Variants in CLSTN2 observed in about 807,000 individuals in gnomAD.
The protein encoded by CLSTN2 is calsyntenin 2.
Under a neutral mutation model 101.2 loss-of-function variants are expected in CLSTN2, and 48 were observed. The ratio of observed to expected loss-of-function variants is 0.47; its 90% CI spans 0.38 to 0.60. The LOEUF is 0.60. Among genes scored for constraint, CLSTN2 ranks in the 20% least tolerant of loss-of-function variants. The pLI is 0.00. For missense variants in CLSTN2, 1,160 were observed against 1,238.2 expected, an observed-to-expected ratio of 0.94 and a Z score of 0.95; for synonymous variants, 481 against 463.6, an observed-to-expected ratio of 1.04 and a Z score of -0.48.
intron 1 of CLSTN2, among the ~76,000 whole-genome samples, chr3:140,160,144 C>A (rs112647958): frequency 0.011 from 1,672 of 151,900 alleles, 34 homozygotes; most frequent in African/African-American, 0.038. Flanking sequence ...TGCACATATA[C>A]CCCGTGTATC....
intron 1 of CLSTN2, among the ~76,000 whole-genome samples, chr3:140,153,692 A>G (rs2009905216): frequency 6.6e-6 from 1 of 152,210 alleles, no homozygotes; most frequent in Non-Finnish European, 1.5e-5. Context: ...GGACTTCTCA[A>G]ATTCTCTTTG....
chr3:140,459,379 T>C (rs1933498340), intron 6 of CLSTN2, 142 bp from the exon 7 acceptor site: 2 of 937,480 alleles, frequency 2.1e-6, no homozygotes, highest in East Asian at 2.5e-5. Flanking sequence ...TTAGCACTTC[T>C]TTTCCTAAGT....
Position 140,338,986 on chromosome 3 carries a change from G to T in CLSTN2, c.233-64643G>T, listed in dbSNP as rs548955574. Among the ~76,000 whole-genome samples the T allele has an allele frequency of 6.6e-5, 10 of 152,212 alleles. No homozygotes were observed. The South Asian group carries it at 8.3e-4, about 13-fold the overall frequency. ...CGCCGCCTGACACAGACCCACATAG[G>T]CTGCTCCACTAGGAGGGAGTAGGAA... On this transcript the variant is annotated intron_variant, in intron 2 of 16. Transcript: ENST00000458420.
intron 2 of CLSTN2, among the ~76,000 whole-genome samples, chr3:140,185,485 T>A (rs1313583066): frequency 4.6e-5 from 7 of 152,166 alleles, no homozygotes. Context: ...AAACACATTA[T>A]GGTATTTTCT....
Position 140,575,822 on chromosome 3 carries a change from G to A in CLSTN2, c.*9569G>A, listed in dbSNP as rs1177182449. 5 of 151,966 alleles carry A rather than the reference G, an allele frequency of 3.3e-5. No individual in the cohort carries two copies. Among genetic ancestry groups the A allele is most frequent in the Non-Finnish European group, 5.9e-5 (4 of 68,012 alleles). 9.4% of individuals were successfully genotyped at this position (151,966 alleles called of 1,614,324 possible). ...TATATGTGTGTGTGTGTATATGTGT[G>A]CATATATGTGTACATATACACATAC... On this transcript the variant is annotated 3_prime_UTR_variant, in exon 17 of 17. Coordinates refer to ENST00000458420, the MANE Select transcript of CLSTN2 (RefSeq NM_022131.3).
Position 140,404,577 on chromosome 3 carries a change from G to A in CLSTN2, c.448G>A (p.Val150Met), listed in dbSNP as rs2088281531. The A allele has an allele frequency of 6.2e-7, 1 of 1,614,032 alleles. No homozygotes were observed. The change falls in exon 4 of 17, where the codon GTG becomes ATG. Residue 150 changes from valine (V) to methionine (M), a missense_variant. By Grantham distance (21) the Val-to-Met change is conservative. Coordinates refer to ENST00000458420, the MANE Select transcript of CLSTN2 (RefSeq NM_022131.3). ...TCCCAGGGCCGTGGTCCATATACAG[G>A]TGAAGGATGTCAACGAGTTTGCTCC... ...KSHKAVVHIQ[V>M]KDVNEFAPTF...
intron 5 of CLSTN2, among the ~76,000 whole-genome samples, chr3:140,427,479 T>C: frequency 6.6e-6 from 1 of 151,990 alleles, no homozygotes; most frequent in Non-Finnish European, 1.5e-5. Context: ...AAAAGATCAA[T>C]GCGAGGTGCC....
intron 2 of CLSTN2, among the ~76,000 whole-genome samples, chr3:140,222,663 T>C (rs939159483): frequency 2.0e-5 from 3 of 152,112 alleles, no homozygotes; most frequent in Admixed American, 6.5e-5. Flanking sequence ...ACCTAGTATT[T>C]GCTAACACAG....
At chr3:140,425,688 C>T (rs997143809) in intron 5 of CLSTN2, among the ~76,000 whole-genome samples, 9 of 152,124 alleles carry the variant, frequency 5.9e-5, no homozygotes, top group African/African-American at 1.4e-4. Flanking sequence ...TAGCTTACAG[C>T]GAGGGGAGGA....
intron 2 of CLSTN2, among the ~76,000 whole-genome samples, chr3:140,233,348 C>T (rs925555737): frequency 1.1e-4 from 16 of 152,120 alleles, no homozygotes; most frequent in East Asian, 3.9e-4. Flanking sequence ...TCCTTATCCC[C>T]GGATTCTGGG....
intron 6 of CLSTN2, among the ~76,000 whole-genome samples, chr3:140,453,767 G>A (rs1028121172): frequency 6.6e-6 from 1 of 152,046 alleles, no homozygotes. Context: ...ATTGTTTAAC[G>A]TAAAAAAATT....
intron 1 of CLSTN2, among the ~76,000 whole-genome samples, chr3:140,143,943 C>A (rs1362351598): frequency 2.6e-5 from 4 of 152,210 alleles, no homozygotes; most frequent in African/African-American, 7.2e-5. Flanking sequence ...CAAATGATAT[C>A]ATGACTGACA....
intron 1 of CLSTN2, among the ~76,000 whole-genome samples, chr3:140,105,155 C>T (rs1472816719): frequency 6.6e-6 from 1 of 152,210 alleles, no homozygotes; most frequent in African/African-American, 2.4e-5. Context: ...AAGAGACTTA[C>T]TTCTTTAAAT....
intron 4 of CLSTN2, among the ~76,000 whole-genome samples, chr3:140,407,052 C>A (rs2107981006): frequency 6.6e-6 from 1 of 152,258 alleles, no homozygotes; most frequent in East Asian, 1.9e-4. Context: ...GAGAATGGGC[C>A]CTCTCAGGGA....
chr3:140,038,622 G>A (rs1454208685), intron 1 of CLSTN2, among the ~76,000 whole-genome samples: 1 of 151,800 alleles, frequency 6.6e-6, no homozygotes, highest in Non-Finnish European at 1.5e-5. Context: ...TTGAGATAAG[G>A]CTTCTTTTAT....
intron 1 of CLSTN2, among the ~76,000 whole-genome samples, chr3:140,081,900 T>C (rs2008605293): frequency 6.6e-6 from 1 of 152,198 alleles, no homozygotes; most frequent in African/African-American, 2.4e-5. Context: ...TTATTTTTTA[T>C]TATATATAAA....
rs929441763 is a variant in CLSTN2, at chr3:140,312,573, G to T, written c.233-91056G>T. ...ATCAGAAGCATGCAAGAAAGTCTAC[G>T]CCTTCTTTTAAAATAATGAGAAATA... On this transcript the variant is annotated intron_variant, in intron 2 of 16. Transcript: ENST00000458420. Among the ~76,000 whole-genome samples, 10 of 152,294 alleles carry T rather than the reference G, an allele frequency of 6.6e-5. No homozygotes were observed. The South Asian group carries it at 2.1e-3, about 32-fold the overall frequency.
chr3:140,201,217 C>T (rs947008816), intron 2 of CLSTN2, among the ~76,000 whole-genome samples: 1 of 152,112 alleles, frequency 6.6e-6, no homozygotes, highest in Non-Finnish European at 1.5e-5. Flanking sequence ...CAACTGGGGA[C>T]ATCAGGATAG....
chr3:139,963,214 AG>A (rs1935540645), intron 1 of CLSTN2, among the ~76,000 whole-genome samples: 1 of 152,064 alleles, frequency 6.6e-6, no homozygotes. Context: ...CTTCCCACAC[AG>A]GGTTTGGAGC....
Sources: gnomAD v4.1 joint callset for allele counts (sites outside exome capture counted in the v4.1 genomes callset) on GRCh38, gnomAD v4.1.1 for gene constraint, MANE v1.5 for transcripts, NCBI Gene and HGNC (gene_info 2026-07-23, HGNC 2026-07-21) for gene names.